Variants in CCDC178 observed in about 807,000 individuals in gnomAD.
CCDC178 encodes coiled-coil domain containing 178.
CCDC178 carries 126 observed loss-of-function variants against 117.4 expected under a neutral mutation model. The observed-to-expected ratio is 1.07, with a 90% CI of 0.93 to 1.24. CCDC178 has a LOEUF of 1.24. Among genes scored for constraint, CCDC178 ranks in the 50% most tolerant of loss-of-function variants. The pLI, the probability that CCDC178 is intolerant of heterozygous loss-of-function variation, is 0.00. For synonymous variants in CCDC178, 283 were observed against 313.4 expected (o/e 0.90, Z 1.02); for missense variants, 1,030 against 986.9 (o/e 1.04, Z -0.59).
intron 2 of CCDC178, among the ~76,000 whole-genome samples, chr18:33,416,427 GA>G (rs34095942): frequency 0.63 from 89,395 of 141,228 alleles, 28,102 homozygotes; most frequent in East Asian, 0.8. Flanking sequence ...ACTCTGTCTC[GA>G]AAAAAAAAAA....
At chr18:33,272,222 G>C (rs2059899286) in intron 12 of CCDC178, among the ~76,000 whole-genome samples, 3 of 151,320 alleles carry the variant, frequency 2.0e-5, no homozygotes, top group African/African-American at 4.8e-5. Flanking sequence ...ATTCAAGAGA[G>C]AGTATTGCTA....
chr18:33,012,760 CAT>C (rs2055897224), intron 21 of CCDC178, among the ~76,000 whole-genome samples: 2 of 151,938 alleles, frequency 1.3e-5, no homozygotes, highest in African/African-American at 4.8e-5. Context: ...CTTTTTTCGC[CAT>C]ATGATACAAT....
intron 21 of CCDC178, among the ~76,000 whole-genome samples, chr18:33,001,197 C>A (rs530228941): frequency 6.6e-6 from 1 of 152,110 alleles, no homozygotes; most frequent in South Asian, 2.1e-4. Context: ...ATGATAACCT[C>A]AAATCGAAAA....
chr18:33,140,772 G>A (rs1395220047), intron 20 of CCDC178, among the ~76,000 whole-genome samples: 1 of 152,176 alleles, frequency 6.6e-6, no homozygotes, highest in Non-Finnish European at 1.5e-5. Context: ...GCACTGTTGG[G>A]AAGGCATGAT....
chr18:33,360,420 G>C (rs961211640), intron 6 of CCDC178, among the ~76,000 whole-genome samples: 5 of 151,098 alleles, frequency 3.3e-5, no homozygotes, highest in African/African-American at 4.8e-5. Flanking sequence ...GCTATAAAAA[G>C]AAACAAAGTA....
At position 32,938,056 on chromosome 18, in the gene CCDC178, A is replaced by G. The variant is rs1022368257; in HGVS notation, c.2559T>C (p.Gly853=). The change falls in exon 23 of 23, where the codon GGT becomes GGC. Residue 853 remains glycine (G), a synonymous_variant. Transcript: ENST00000383096. ...TGCCATCTGTCAAAGTCTGGAAGAAACCTAAGATGTGTTGCATTAAATTTG... is the reference window on the plus strand; with the variant it reads ...TGCCATCTGTCAAAGTCTGGAAGAAGCCTAAGATGTGTTGCATTAAATTTG... The part of the protein sequence containing the change: ...ESSNLMQHIL[G]FFQTLTDGTC... The G allele has an allele frequency of 1.9e-6, 3 of 1,613,734 alleles. No homozygotes were observed. The highest frequency in any genetic ancestry group is 3.3e-5 in the Admixed American group (2 of 59,972).
At chr18:33,202,805 T>G (rs1011054796) in intron 20 of CCDC178, among the ~76,000 whole-genome samples, 29 of 152,330 alleles carry the variant, frequency 1.9e-4, no homozygotes, top group African/African-American at 7.0e-4. Flanking sequence ...AAGTGTAAAC[T>G]TTTCACTGAG....
intron 21 of CCDC178, among the ~76,000 whole-genome samples, chr18:33,067,733 C>T (rs1340507397): frequency 6.6e-6 from 1 of 151,896 alleles, no homozygotes; most frequent in Non-Finnish European, 1.5e-5. Flanking sequence ...ATCCCAGCTA[C>T]ATAGGAGGCT....
At chr18:33,092,350 A>G (rs1323316028) in intron 21 of CCDC178, among the ~76,000 whole-genome samples, 2 of 152,042 alleles carry the variant, frequency 1.3e-5, no homozygotes, top group East Asian at 1.9e-4. Context: ...CAAGTTTCCA[A>G]TTAATCTCCA....
intron 20 of CCDC178, among the ~76,000 whole-genome samples, chr18:33,196,258 T>C (rs990178673): frequency 1.3e-5 from 2 of 152,154 alleles, no homozygotes; most frequent in Admixed American, 6.5e-5. Context: ...TCAGCTCCAA[T>C]AAAAATTCTG....
At chr18:33,090,880 C>A (rs1339549131) in intron 21 of CCDC178, among the ~76,000 whole-genome samples, 6 of 152,164 alleles carry the variant, frequency 3.9e-5, no homozygotes, top group Non-Finnish European at 5.9e-5. Flanking sequence ...GTCCTTGTAT[C>A]TTGCATCAAG....
chr18:32,969,458 C>A (rs575552099), intron 22 of CCDC178, among the ~76,000 whole-genome samples: 1 of 152,084 alleles, frequency 6.6e-6, no homozygotes, highest in Non-Finnish European at 1.5e-5. Flanking sequence ...TCCTGTTGAC[C>A]CTAAACCCAC....
At chr18:33,106,845 T>G (rs1197494203) in intron 20 of CCDC178, among the ~76,000 whole-genome samples, 1 of 151,690 alleles carries the variant, frequency 6.6e-6, no homozygotes, top group Non-Finnish European at 1.5e-5. Flanking sequence ...GTATGGGAAT[T>G]GAGATCCGTC....
chr18:32,997,848 A>G (rs187638132), intron 21 of CCDC178, among the ~76,000 whole-genome samples: 1 of 152,210 alleles, frequency 6.6e-6, no homozygotes, highest in African/African-American at 2.4e-5. Flanking sequence ...TCATTTTGAT[A>G]TGAGAAAAAA....
intron 21 of CCDC178, among the ~76,000 whole-genome samples, chr18:33,034,831 T>A (rs2056412181): frequency 6.6e-6 from 1 of 152,038 alleles, no homozygotes; most frequent in Admixed American, 6.6e-5. Flanking sequence ...TATAATTCAT[T>A]TCATCTCAAT....
At chr18:33,109,531 G>A (rs974997155) in intron 20 of CCDC178, among the ~76,000 whole-genome samples, 3 of 151,490 alleles carry the variant, frequency 2.0e-5, no homozygotes, top group South Asian at 2.1e-4. Flanking sequence ...AGCATATGTC[G>A]TTATAGGGAT....
chr18:33,226,211 T>C (rs1197559191), intron 16 of CCDC178, among the ~76,000 whole-genome samples: 1 of 152,178 alleles, frequency 6.6e-6, no homozygotes, highest in Non-Finnish European at 1.5e-5. Flanking sequence ...GAAACTGTTT[T>C]GACTCTTGTT....
chr18:33,151,168 C>G (rs2058337741), intron 20 of CCDC178, among the ~76,000 whole-genome samples: 1 of 151,722 alleles, frequency 6.6e-6, no homozygotes, highest in African/African-American at 2.4e-5. Context: ...TTTGGAGCAC[C>G]AAATCTCAGA....
intron 7 of CCDC178, among the ~76,000 whole-genome samples, chr18:33,354,283 A>G (rs1422225604): frequency 2.0e-5 from 3 of 150,850 alleles, no homozygotes; most frequent in African/African-American, 4.9e-5. Context: ...ACTTGATTCT[A>G]TTTGGAGTTC....
Sources: gnomAD v4.1 joint callset for allele counts (sites outside exome capture counted in the v4.1 genomes callset) on GRCh38, gnomAD v4.1.1 for gene constraint, MANE v1.5 for transcripts, NCBI Gene and HGNC (gene_info 2026-07-23, HGNC 2026-07-21) for gene names.